Variants in S100A9 observed in about 807,000 individuals in gnomAD.
S100A9 encodes the protein protein S100-A9.
In S100A9, 2 loss-of-function variants were observed where a neutral mutation model predicts 4.3. The observed-to-expected ratio is 0.47, with a 90% CI of 0.19 to 1.48. S100A9 has a LOEUF of 1.48. Among genes scored for constraint, S100A9 ranks in the 40% most tolerant of loss-of-function variants. The pLI is 0.24. For synonymous variants in S100A9, 67 were observed against 54.0 expected, an observed-to-expected ratio of 1.24 and a Z score of -1.06; for missense variants, 130 against 144.4, an observed-to-expected ratio of 0.90 and a Z score of 0.51.
At chr1:153,359,781 T>A (rs1245466915) in intron 2 of S100A9, among the ~76,000 whole-genome samples, 1 of 148,042 alleles carries the variant, frequency 6.8e-6, no homozygotes, top group Non-Finnish European at 1.5e-5. Flanking sequence ...CTCCACCTCC[T>A]GGGTTCAAGC....
rs1442045799 is a variant in S100A9, at chr1:153,360,731, A to C, written c.238A>C (p.Ile80Leu). The C allele has an allele frequency of 1.2e-6, 2 of 1,614,052 alleles. No homozygotes were observed. The highest frequency in any genetic ancestry group is 1.7e-6 in the Non-Finnish European group (2 of 1,179,976). Reference protein sequence around the residue: ...ADKQLSFEEFIMLMARLTWAS... With the variant: ...ADKQLSFEEFLMLMARLTWAS... ...CAAGCAGCTGAGCTTCGAGGAGTTCATCATGCTGATGGCGAGGCTAACCTG... is the reference window on the plus strand; with the variant it reads ...CAAGCAGCTGAGCTTCGAGGAGTTCCTCATGCTGATGGCGAGGCTAACCTG... Residue 80 changes from isoleucine (I) to leucine (L), a missense_variant, in exon 3 of 3, where the codon ATC becomes CTC. Ile to Leu is a conservative substitution (Grantham distance 5, BLOSUM62 2). Coordinates refer to ENST00000368738, the MANE Select transcript of S100A9 (RefSeq NM_002965.4).
At chr1:153,359,839 C>A (rs749406492) in intron 2 of S100A9, among the ~76,000 whole-genome samples, 2 of 152,036 alleles carry the variant, frequency 1.3e-5, no homozygotes, top group African/African-American at 4.8e-5. Flanking sequence ...CAGGCATGCA[C>A]CACCATGCCT....
At chr1:153,358,946 C>T (rs1053334238) in intron 2 of S100A9, among the ~76,000 whole-genome samples, 5 of 151,970 alleles carry the variant, frequency 3.3e-5, no homozygotes, top group African/African-American at 1.2e-4. Flanking sequence ...TGAGGAGACC[C>T]TAAGCCTCAG....
rs1259668148 is a variant in S100A9 at position 153,360,831 on chromosome 1, C to T, written c.338C>T (p.Thr113Ile). ...HHHKPGLGEGTP is the reference protein window; with the variant it reads ...HHHKPGLGEGIP ...CATAAGCCAGGCCTCGGGGAGGGCACCCCCTAAGACCACAGTGGCCAAGAT... is the reference window on the plus strand; with the variant it reads ...CATAAGCCAGGCCTCGGGGAGGGCATCCCCTAAGACCACAGTGGCCAAGAT... Residue 113 changes from threonine to isoleucine, a missense_variant, in exon 3 of 3, where the codon ACC (threonine) becomes ATC (isoleucine). Thr to Ile is a moderately conservative substitution (Grantham distance 89, BLOSUM62 -1). Coordinates refer to ENST00000368738, the MANE Select transcript of S100A9 (RefSeq NM_002965.4). 1.3e-6 allele frequency: 2 copies of T among 1,598,706 alleles called. No individual in the cohort carries two copies. The highest frequency in any genetic ancestry group is 1.1e-5 in the South Asian group (1 of 89,408).
In S100A9 at chr1:153,360,680, A is replaced by T; in HGVS notation, c.187A>T (p.Met63Leu). The T allele has an allele frequency of 1.9e-6, 3 of 1,613,938 alleles. No individual in the cohort carries two copies. The highest frequency in any genetic ancestry group is 2.5e-6 in the Non-Finnish European group (3 of 1,179,866). ...GAATGAAAAGGTCATAGAACACATC[A>T]TGGAGGACCTGGACACAAATGCAGA... ...NKNEKVIEHI[M>L]EDLDTNADKQ... is the part of the protein sequence containing the mutation. The change falls in exon 3 of 3, where the codon ATG becomes TTG. Residue 63 changes from methionine to leucine, a missense_variant. Transcript: ENST00000368738.
intron 2 of S100A9, among the ~76,000 whole-genome samples, chr1:153,359,392 G>C (rs1306901201): frequency 2.0e-5 from 3 of 152,114 alleles, no homozygotes; most frequent in African/African-American, 7.2e-5. Context: ...GGCAAGAAAG[G>C]GCCCAGCAGA....
intron 2 of S100A9, among the ~76,000 whole-genome samples, chr1:153,359,373 G>A (rs2916193): frequency 0.21 from 31,377 of 152,036 alleles, 3,993 homozygotes; most frequent in East Asian, 0.34. Context: ...CAGGATGCTG[G>A]GTGGGGTAGG....
intron 2 of S100A9, among the ~76,000 whole-genome samples, 183 bp from the exon 3 acceptor site, chr1:153,360,461 G>A (rs1557839138): frequency 6.6e-6 from 1 of 152,166 alleles, no homozygotes; most frequent in Non-Finnish European, 1.5e-5. Context: ...AAACTGGAGA[G>A]CGTTTGGTAT....
In S100A9 at chr1:153,358,351, C is replaced by G. The variant is rs376703853; in HGVS notation, c.68C>G (p.Ser23Cys). 6.2e-7 allele frequency: 1 copy of G among 1,613,408 alleles called. No homozygotes were observed. Among genetic ancestry groups the G allele is most frequent in the Non-Finnish European group, 8.5e-7 (1 of 1,179,490 alleles). Residue 23 changes from serine (S) to cysteine (C), a missense_variant, in exon 2 of 3, where the codon TCT becomes TGT. Coordinates refer to ENST00000368738, the MANE Select transcript of S100A9 (RefSeq NM_002965.4). ...ETIINTFHQY[S>C]VKLGHPDTLN... The stretch of plus-strand genomic sequence containing the variant: ...ATCATCAACACCTTCCACCAATACT[C>G]TGTGAAGCTGGGGCACCCAGACACC...
chr1:153,360,694 C>A lies in S100A9; in HGVS notation c.201C>A (p.Asp67Glu), dbSNP rs751866382. Residue 67 changes from aspartate to glutamate, a missense_variant, in exon 3 of 3, where the codon GAC becomes GAA. Physicochemically the swap from Asp to Glu is conservative, Grantham distance 45. Transcript: ENST00000368738. Reference sequence around the variant, plus strand: ...TAGAACACATCATGGAGGACCTGGACACAAATGCAGACAAGCAGCTGAGCT... The same window carrying A: ...TAGAACACATCATGGAGGACCTGGAAACAAATGCAGACAAGCAGCTGAGCT... ...KVIEHIMEDL[D>E]TNADKQLSFE... 1 of 1,613,986 alleles carries A rather than the reference C, an allele frequency of 6.2e-7. No individual in the cohort carries two copies. The highest frequency in any genetic ancestry group is 8.5e-7 in the Non-Finnish European group (1 of 1,179,890).
chr1:153,360,925 C>T lies in S100A9; in HGVS notation c.*87C>T. The T allele has an allele frequency of 1.9e-6, 2 of 1,062,632 alleles. No homozygotes were observed. Among genetic ancestry groups the T allele is most frequent in the Non-Finnish European group, 2.7e-6 (2 of 748,080 alleles). 65.8% of individuals were successfully genotyped at this position (1,062,632 alleles called of 1,614,324 possible). A position where few individuals can be genotyped will look rare whatever the true frequency, so the allele number is the denominator to read the frequency against. Reference sequence around the variant, plus strand: ...ACAGCCACTAATCAGGAGGCCAGGCCACCCTGCCTCTACCCAACCAGGGCC... The same window carrying T: ...ACAGCCACTAATCAGGAGGCCAGGCTACCCTGCCTCTACCCAACCAGGGCC... On this transcript the variant is annotated 3_prime_UTR_variant, in exon 3 of 3. Coordinates refer to ENST00000368738, the MANE Select transcript of S100A9 (RefSeq NM_002965.4).
At chr1:153,358,578 C>T (rs1044873899) in intron 2 of S100A9, 145 bp downstream of exon 2, 1 of 649,834 alleles carries the variant, frequency 1.5e-6, no homozygotes, top group African/African-American at 1.8e-5. Context: ...TCCTGTTATA[C>T]AGGGCAGGTG....
At position 153,358,276 on chromosome 1, in the gene S100A9, G is replaced by T. The variant is rs1415020780; in HGVS notation, c.-8G>T. The T allele has an allele frequency of 1.3e-6, 2 of 1,588,206 alleles. No homozygotes were observed. Among genetic ancestry groups the T allele is most frequent in the Middle Eastern group, 1.7e-4 (1 of 5,976 alleles). On this transcript the variant is annotated 5_prime_UTR_variant, in exon 2 of 3. Transcript: ENST00000368738. ...TGGTTTTCCATTACACAGACAGAGT[G>T]CAAGACGATGACTTGCAAAATGTCG... is the stretch of plus-strand genomic sequence containing the variant.
chr1:153,360,893 C>T lies in S100A9; in HGVS notation c.*55C>T, dbSNP rs565587150. On this transcript the variant is annotated 3_prime_UTR_variant, in exon 3 of 3. Transcript: ENST00000368738. ...CGGCCACGGCCACAGTCATGGTGGC[C>T]ACGGCCACAGCCACTAATCAGGAGG... is the stretch of plus-strand genomic sequence containing the variant. The T allele has an allele frequency of 1.5e-6, 2 of 1,373,756 alleles. No homozygotes were observed. The highest frequency in any genetic ancestry group is 2.6e-5 in the East Asian group (1 of 38,962). 85.1% of individuals were successfully genotyped at this position (1,373,756 alleles called of 1,614,324 possible).
chr1:153,360,846 G>T lies in S100A9; in HGVS notation c.*8G>T. On this transcript the variant is annotated 3_prime_UTR_variant, in exon 3 of 3. Coordinates refer to ENST00000368738, the MANE Select transcript of S100A9 (RefSeq NM_002965.4). ...GGGGAGGGCACCCCCTAAGACCACA[G>T]TGGCCAAGATCACAGTGGCCACGGC... is the stretch of plus-strand genomic sequence containing the variant. The T allele has an allele frequency of 6.3e-7, 1 of 1,585,058 alleles. No homozygotes were observed. Among genetic ancestry groups the T allele is most frequent in the South Asian group, 1.1e-5 (1 of 88,124 alleles).
rs768905615 is a variant in S100A9, at chr1:153,358,364, G to A, written c.81G>A (p.Gly27=). ...NTFHQYSVKL[G]HPDTLNQGEF... ...TCCACCAATACTCTGTGAAGCTGGG[G>A]CACCCAGACACCCTGAACCAGGGGG... Residue 27 remains glycine (G), a synonymous_variant, in exon 2 of 3, where the codon GGG becomes GGA. Coordinates refer to ENST00000368738, the MANE Select transcript of S100A9 (RefSeq NM_002965.4). The A allele has an allele frequency of 1.2e-6, 2 of 1,613,422 alleles. No individual in the cohort carries two copies. Among genetic ancestry groups the A allele is most frequent in the Non-Finnish European group, 1.7e-6 (2 of 1,179,562 alleles).
intron 2 of S100A9, among the ~76,000 whole-genome samples, chr1:153,358,956 G>A (rs1661397202): frequency 6.6e-6 from 1 of 152,058 alleles, no homozygotes; most frequent in Admixed American, 6.5e-5. Flanking sequence ...CTAAGCCTCA[G>A]GCGGGAACTT....
chr1:153,358,045 G>A (rs1187285209), intron 1 of S100A9, among the ~76,000 whole-genome samples, 164 bp downstream of exon 1: 1 of 152,210 alleles, frequency 6.6e-6, no homozygotes, highest in East Asian at 1.9e-4. Context: ...TTCCCCTGGG[G>A]CCTCCTGCCC....
At chr1:153,359,519 A>G (rs1294799953) in intron 2 of S100A9, among the ~76,000 whole-genome samples, 1 of 151,846 alleles carries the variant, frequency 6.6e-6, no homozygotes, top group Admixed American at 6.6e-5. Context: ...AGCCTCATGG[A>G]TGGGCTGCAC....
Sources: gnomAD v4.1 joint callset for allele counts (sites outside exome capture counted in the v4.1 genomes callset) on GRCh38, gnomAD v4.1.1 for gene constraint, MANE v1.5 for transcripts, NCBI Gene and HGNC (gene_info 2026-07-23, HGNC 2026-07-21) for gene names.